HACD2: variants seen among roughly 807,000 people sequenced by gnomAD.
HACD2 encodes 3-hydroxyacyl-CoA dehydratase 2, also known as very-long-chain (3R)-3-hydroxyacyl-CoA dehydratase 2.
HACD2 carries 15 observed loss-of-function variants against 31.0 expected under a neutral mutation model. The ratio of observed to expected loss-of-function variants is 0.48; its 90% confidence interval spans 0.32 to 0.75. The LOEUF is 0.75. HACD2 is among the 30% of genes least tolerant of loss of function. The probability of loss-of-function intolerance (pLI) is 0.03; values close to 1 mark genes in which losing one functional copy is unlikely to be tolerated. For synonymous variants in HACD2, 115 were observed against 122.2 expected (o/e 0.94, Z 0.39); for missense variants, 283 against 313.0 (o/e 0.90, Z 0.72).
At position 123,494,638 on chromosome 3, in the gene HACD2, CATAAATAT is replaced by C. The variant is rs2055810644; in HGVS notation, c.*242_*249del. On this transcript the variant is annotated 3_prime_UTR_variant, in exon 7 of 7. Transcript: ENST00000383657. ...ATGCCAAATCCCTTTCTAGTGCCAT[CATAAATAT>C]TAAGAACTTCTGGTTGAAAGAGCAT... 4 of 504,282 alleles carry C rather than the reference CATAAATAT, an allele frequency of 7.9e-6. No homozygotes were observed. Among genetic ancestry groups the C allele is most frequent in the African/African-American group, 7.9e-5 (4 of 50,686 alleles). 31.2% of individuals were successfully genotyped at this position (504,282 alleles called of 1,614,324 possible).
intron 2 of HACD2, among the ~76,000 whole-genome samples, chr3:123,573,939 C>A (rs1010662511): frequency 2.6e-5 from 4 of 152,088 alleles, no homozygotes; most frequent in Non-Finnish European, 4.4e-5. Context: ...TGAAGTCTCA[C>A]AGAACTTAAA....
chr3:123,503,002 G>C (rs950534293), intron 4 of HACD2: 8 of 230,408 alleles, frequency 3.5e-5, no homozygotes, highest in Non-Finnish European at 7.0e-5. Context: ...CAGTGGTCAC[G>C]CCTGTAATCC....
intron 2 of HACD2, among the ~76,000 whole-genome samples, chr3:123,571,363 T>C (rs1362069907): frequency 6.6e-6 from 1 of 152,172 alleles, no homozygotes; most frequent in Non-Finnish European, 1.5e-5. Context: ...TCAATTGATT[T>C]GAAGATACAG....
At chr3:123,527,099 C>T (rs2056293810) in intron 4 of HACD2, among the ~76,000 whole-genome samples, 1 of 152,188 alleles carries the variant, frequency 6.6e-6, no homozygotes, top group South Asian at 2.1e-4. Context: ...ACTGAAAGTA[C>T]ATTAATTATC....
At chr3:123,571,856 A>C (rs1469968801) in intron 2 of HACD2, among the ~76,000 whole-genome samples, 1 of 152,184 alleles carries the variant, frequency 6.6e-6, no homozygotes, top group East Asian at 1.9e-4. Flanking sequence ...CCTTCTTCTA[A>C]CTTAATAAGC....
chr3:123,544,264 G>A (rs547692885), intron 3 of HACD2, among the ~76,000 whole-genome samples: 1 of 152,146 alleles, frequency 6.6e-6, no homozygotes, highest in Admixed American at 6.5e-5. Context: ...AAAGTGAAGA[G>A]AAGAGAAAGA....
intron 3 of HACD2, among the ~76,000 whole-genome samples, chr3:123,562,336 C>T (rs1045962882): frequency 2.0e-5 from 3 of 152,160 alleles, no homozygotes; most frequent in East Asian, 3.9e-4. Flanking sequence ...TTCTGGAGGC[C>T]GTATTTGCCA....
chr3:123,503,963 C>T (rs952371496), intron 4 of HACD2, among the ~76,000 whole-genome samples: 2 of 152,202 alleles, frequency 1.3e-5, no homozygotes, highest in East Asian at 1.9e-4. Flanking sequence ...TAGTCATTTA[C>T]ATATCTATTA....
intron 6 of HACD2, among the ~76,000 whole-genome samples, chr3:123,496,883 G>A (rs1338432453): frequency 2.0e-5 from 3 of 152,196 alleles, no homozygotes; most frequent in African/African-American, 7.2e-5. Flanking sequence ...AGAATGACCT[G>A]GAAGTCATGC....
chr3:123,533,861 A>G (rs1372073491), intron 3 of HACD2, among the ~76,000 whole-genome samples: 2 of 152,196 alleles, frequency 1.3e-5, no homozygotes, highest in Non-Finnish European at 2.9e-5. Flanking sequence ...ACATTTGTAA[A>G]CAGGAGGACA....
At chr3:123,507,902 T>C (rs1264198090) in intron 4 of HACD2, among the ~76,000 whole-genome samples, 2 of 152,094 alleles carry the variant, frequency 1.3e-5, no homozygotes, top group African/African-American at 4.8e-5. Flanking sequence ...GTAAAGTTAT[T>C]TAATAAAAAA....
Position 123,528,436 on chromosome 3 carries a change from C to T in HACD2, c.331G>A (p.Val111Met). The T allele has an allele frequency of 6.2e-7, 1 of 1,613,108 alleles. No homozygotes were observed. Among genetic ancestry groups the T allele is most frequent in the Non-Finnish European group, 8.5e-7 (1 of 1,179,308 alleles). Reference sequence around the variant, plus strand: ...CATATTAGAAAAACTCTTGACATCACCTGGAAAGAAGTCAGGACAACAGAA... The same window carrying T: ...CATATTAGAAAAACTCTTGACATCATCTGGAAAGAAGTCAGGACAACAGAA... ...PSSVVLTSFQ[V>M]MSRVFLIWAV... The change falls in exon 4 of 7, where the codon GTG becomes ATG. Residue 111 changes from valine to methionine, a missense_variant. Physicochemically the swap from Val to Met is conservative, Grantham distance 21. Around this residue, in one of 3 missense-constraint regions of HACD2, gnomAD observed 158 missense variants for 148.3 expected, o/e 1.07. Coordinates refer to ENST00000383657, the MANE Select transcript of HACD2 (RefSeq NM_198402.5).
At chr3:123,517,065 C>A (rs768883330) in intron 4 of HACD2, among the ~76,000 whole-genome samples, 2 of 152,196 alleles carry the variant, frequency 1.3e-5, no homozygotes, top group African/African-American at 2.4e-5. Flanking sequence ...GCCATTTAAG[C>A]AGTTACCATT....
intron 3 of HACD2, among the ~76,000 whole-genome samples, chr3:123,561,457 C>A (rs2056728001): frequency 6.6e-6 from 1 of 152,072 alleles, no homozygotes. Context: ...ATATAACTCT[C>A]TGGGCTGTGA....
intron 3 of HACD2, among the ~76,000 whole-genome samples, chr3:123,556,505 T>C (rs2056674367): frequency 6.6e-6 from 1 of 151,986 alleles, no homozygotes; most frequent in African/African-American, 2.4e-5. Flanking sequence ...TTTTGACATA[T>C]TCATGTAATA....
At chr3:123,561,535 C>T (rs2056728763) in intron 3 of HACD2, among the ~76,000 whole-genome samples, 1 of 150,974 alleles carries the variant, frequency 6.6e-6, no homozygotes, top group Non-Finnish European at 1.5e-5. Flanking sequence ...CATGAAAGTT[C>T]ACTAAATGCA....
chr3:123,530,710 C>A (rs1335062450), intron 3 of HACD2, among the ~76,000 whole-genome samples: 1 of 150,250 alleles, frequency 6.7e-6, no homozygotes, highest in African/African-American at 2.4e-5. Context: ...CCCGGCCTGC[C>A]CAGGTAATTT....
intron 2 of HACD2, among the ~76,000 whole-genome samples, chr3:123,578,016 A>T (rs896731431): frequency 6.6e-6 from 1 of 152,272 alleles, no homozygotes; most frequent in African/African-American, 2.4e-5. Flanking sequence ...ATCCTGTACC[A>T]TTAGCAGTCA....
intron 4 of HACD2, among the ~76,000 whole-genome samples, chr3:123,507,231 G>A (rs942579682): frequency 6.6e-6 from 1 of 152,112 alleles, no homozygotes; most frequent in African/African-American, 2.4e-5. Context: ...CTCCAGCCTG[G>A]GTGACGAGCA....
Sources: allele counts gnomAD v4.1 joint callset (sites outside exome capture counted in the v4.1 genomes callset), GRCh38; gene constraint gnomAD v4.1.1; regional missense constraint gnomAD v4.1.1; transcripts MANE v1.5; gene names NCBI Gene and HGNC (gene_info 2026-07-23, HGNC 2026-07-21).